VWA8: variants seen among roughly 807,000 people sequenced by gnomAD.
VWA8 encodes the protein von Willebrand factor A domain containing 8, also known as von Willebrand factor A domain-containing protein 8.
VWA8 carries 221 observed loss-of-function variants against 241.5 expected under a neutral mutation model. The observed-to-expected ratio is 0.91, with a 90% CI of 0.82 to 1.02. The LOEUF (loss-of-function observed/expected upper bound fraction) is 1.02, where lower values mean the gene tolerates loss of function less well. Ranked by LOEUF, VWA8 falls within the 50% of genes least tolerant of loss-of-function variation. The pLI is 0.00. For synonymous variants in VWA8, 852 were observed against 827.1 expected (o/e 1.03, Z -0.52); for missense variants, 2,322 against 2,328.7 (o/e 1.00, Z 0.06).
chr13:41,613,799 C>A (rs920592740), intron 38 of VWA8, among the ~76,000 whole-genome samples: 1 of 152,106 alleles, frequency 6.6e-6, no homozygotes, highest in African/African-American at 2.4e-5. Context: ...AAAGGGGAAT[C>A]AAATGACTTG....
chr13:41,674,768 C>T (rs1191265003), intron 36 of VWA8, among the ~76,000 whole-genome samples: 2 of 152,150 alleles, frequency 1.3e-5, no homozygotes, highest in Admixed American at 6.5e-5. Flanking sequence ...GATCCTTTGG[C>T]TATTGTACAA....
intron 16 of VWA8, among the ~76,000 whole-genome samples, chr13:41,816,252 C>T (rs568631689): frequency 3.9e-5 from 6 of 152,140 alleles, no homozygotes; most frequent in African/African-American, 1.4e-4. Flanking sequence ...CAGATGAGAA[C>T]ACTGAGACTT....
chr13:41,573,555 T>C (rs2044328551), intron 43 of VWA8, among the ~76,000 whole-genome samples: 1 of 144,792 alleles, frequency 6.9e-6, no homozygotes, highest in East Asian at 2.0e-4. Flanking sequence ...ATATAAAATA[T>C]ATACACGTAT....
Position 41,960,944 on chromosome 13 carries a change from C to G in VWA8, c.72G>C (p.Leu24=). The G allele has an allele frequency of 6.8e-7, 1 of 1,477,594 alleles. No homozygotes were observed. Among genetic ancestry groups the G allele is most frequent in the Non-Finnish European group, 8.9e-7 (1 of 1,121,960 alleles). The allele number at this position is 1,477,594 out of a possible 1,614,324, so 91.5% of individuals were successfully genotyped here. The change falls in exon 1 of 45, where the codon CTG becomes CTC. Residue 24 remains leucine, a synonymous_variant. Transcript: ENST00000379310. ...HGGPASRRMR[L]LLRQVVQRRP... is the part of the protein sequence containing the mutation. ...TGCGCTGCACCACCTGCCGCAGGAG[C>G]AGCCGCATGCGCCGCGAGGCCGGGC...
At chr13:41,666,554 T>C (rs2044987699) in intron 37 of VWA8, among the ~76,000 whole-genome samples, 1 of 152,126 alleles carries the variant, frequency 6.6e-6, no homozygotes, top group African/African-American at 2.4e-5. Flanking sequence ...TTAGGAATTT[T>C]TCAAGCTGAT....
rs1168629617 is a variant in VWA8 at position 41,959,606 on chromosome 13, C to CTTTT, written c.163+1243_163+1246dup. Among the ~76,000 whole-genome samples, 100 of 79,630 alleles carry CTTTT rather than the reference C, an allele frequency of 1.3e-3. 7 individuals are homozygous for CTTTT. Among genetic ancestry groups the CTTTT allele is most frequent in the African/African-American group, 4.1e-3 (92 of 22,618 alleles). The allele number at this position is 79,630 out of a possible 152,430, so 52.2% of individuals were successfully genotyped here. A position where few individuals can be genotyped will look rare whatever the true frequency, so the allele number is the denominator to read the frequency against. On this transcript the variant is annotated intron_variant, in intron 1 of 44. Transcript: ENST00000379310. ...ACGAAATACGTGGGACCTAAATATG[C>CTTTT]TTTTTTTTTTTTTTTTTTTGAGATG...
At chr13:41,864,441 C>T (rs930666262) in intron 12 of VWA8, among the ~76,000 whole-genome samples, 2 of 152,118 alleles carry the variant, frequency 1.3e-5, no homozygotes, top group Admixed American at 6.6e-5. Context: ...GGTCCATCAA[C>T]AGACCAATGG....
At chr13:41,745,599 A>G (rs1402871122) in intron 21 of VWA8, among the ~76,000 whole-genome samples, 2 of 152,236 alleles carry the variant, frequency 1.3e-5, no homozygotes, top group African/African-American at 4.8e-5. Context: ...CAACAGACAC[A>G]TGAAAAAATG....
At chr13:41,612,801 A>G in intron 38 of VWA8, among the ~76,000 whole-genome samples, 1 of 152,200 alleles carries the variant, frequency 6.6e-6, no homozygotes, top group East Asian at 1.9e-4. Flanking sequence ...TAGTTAAACC[A>G]GACTGCCTGG....
rs1014130079 is a variant in VWA8 at position 41,901,178 on chromosome 13, T to C, written c.483+6408A>G. Among the ~76,000 whole-genome samples the C allele has an allele frequency of 4.1e-5, 6 of 147,498 alleles. No homozygotes were observed. In the East Asian group the frequency reaches 1.3e-3, roughly 32 times the overall value. On this transcript the variant is annotated intron_variant, in intron 4 of 44. Transcript: ENST00000379310. ...CCCAGGCTGGATTGCAATGACTCAA[T>C]CATAGCTCACTGTAACCTTGAACTC...
intron 21 of VWA8, among the ~76,000 whole-genome samples, chr13:41,744,177 A>G (rs1016462910): frequency 1.3e-5 from 2 of 152,224 alleles, no homozygotes; most frequent in Non-Finnish European, 2.9e-5. Flanking sequence ...GCCAGCCTTC[A>G]GCTAAACCAC....
intron 12 of VWA8, among the ~76,000 whole-genome samples, chr13:41,862,151 C>T (rs1036020642): frequency 6.6e-6 from 1 of 152,142 alleles, no homozygotes; most frequent in African/African-American, 2.4e-5. Context: ...CACATACCTA[C>T]AACCACCAGA....
intron 29 of VWA8, among the ~76,000 whole-genome samples, chr13:41,693,525 CT>C (rs1358884086): frequency 6.6e-6 from 1 of 152,018 alleles, no homozygotes; most frequent in African/African-American, 2.4e-5. Flanking sequence ...CTCCAAGAAA[CT>C]AGCTAGTAAT....
intron 16 of VWA8, among the ~76,000 whole-genome samples, chr13:41,815,350 C>T (rs1253637139): frequency 6.6e-6 from 1 of 152,222 alleles, no homozygotes; most frequent in African/African-American, 2.4e-5. Context: ...TCTCTGGAAA[C>T]TGTCAATGTT....
At chr13:41,739,398 G>A (rs2045549327) in intron 21 of VWA8, among the ~76,000 whole-genome samples, 1 of 152,112 alleles carries the variant, frequency 6.6e-6, no homozygotes, top group Non-Finnish European at 1.5e-5. Flanking sequence ...GTCTCTTTTG[G>A]TTAATAACCC....
In VWA8 at chr13:41,570,668, G is replaced by GT; in HGVS notation, c.5408dup (p.Asp1803GlufsTer20). ...CATGTTCTGTCCCTTCTAACGTGTG[G>GT]TCCCCACTCATGCAGAACTGAGAGT... On this transcript the variant is annotated frameshift_variant, in exon 44 of 45. Transcript: ENST00000379310. LOFTEE classifies it high-confidence loss of function. The GT allele has an allele frequency of 6.2e-7, 1 of 1,614,154 alleles. No individual in the cohort carries two copies. Among genetic ancestry groups the GT allele is most frequent in the East Asian group, 2.2e-5 (1 of 44,888 alleles).
intron 9 of VWA8, among the ~76,000 whole-genome samples, chr13:41,871,235 C>T (rs992172708): frequency 2.0e-5 from 3 of 152,136 alleles, no homozygotes; most frequent in African/African-American, 7.2e-5. Context: ...TGTTAACTTA[C>T]CACTTTCTGA....
intron 17 of VWA8, among the ~76,000 whole-genome samples, chr13:41,793,527 A>AT (rs1158430744): frequency 6.6e-6 from 1 of 152,134 alleles, no homozygotes; most frequent in Non-Finnish European, 1.5e-5. Context: ...AAAAATACAA[A>AT]TTTAGGTCGG....
chr13:41,807,782 G>C (rs989533535), intron 17 of VWA8: 7 of 152,068 alleles, frequency 4.6e-5, no homozygotes, highest in African/African-American at 1.2e-4. Context: ...ATACTGACTG[G>C]GTATCTGCAC....
Sources: gnomAD v4.1 joint callset for allele counts (sites outside exome capture counted in the v4.1 genomes callset) on GRCh38, gnomAD v4.1.1 for gene constraint, MANE v1.5 for transcripts, NCBI Gene and HGNC (gene_info 2026-07-23, HGNC 2026-07-21) for gene names.